Variants in MMS22L observed in about 807,000 individuals in gnomAD.
MMS22L encodes the protein protein MMS22-like.
A neutral mutation model predicts 159.1 loss-of-function variants in MMS22L; 74 were observed. The ratio of observed to expected loss-of-function variants is 0.47; its 90% CI spans 0.39 to 0.56. MMS22L has a LOEUF of 0.56. Ranked by LOEUF, MMS22L falls within the 20% of genes least tolerant of loss-of-function variation. The pLI is 0.00. For missense variants in MMS22L, 1,351 were observed against 1,422.1 expected (o/e 0.95, Z 0.80); for synonymous variants, 517 against 506.9 (o/e 1.02, Z -0.27).
intron 9 of MMS22L, 141 bp from the exon 10 acceptor site, chr6:97,254,874 G>A (rs1314634537): frequency 4.7e-6 from 3 of 636,458 alleles, no homozygotes; most frequent in Admixed American, 7.3e-5. Flanking sequence ...AAATGCCCAG[G>A]TTAAGAATCA....
chr6:97,156,351 G>T (rs985120586), intron 22 of MMS22L, among the ~76,000 whole-genome samples: 1 of 152,128 alleles, frequency 6.6e-6, no homozygotes, highest in Non-Finnish European at 1.5e-5. Flanking sequence ...TTTGGCTTTT[G>T]TTGCCGTTGC....
chr6:97,249,787 G>A (rs1295677374), intron 10 of MMS22L, among the ~76,000 whole-genome samples: 1 of 74,592 alleles, frequency 1.3e-5, no homozygotes, highest in Admixed American at 1.6e-4. Flanking sequence ...ATTCATTTTT[G>A]TATCATTCTT....
At chr6:97,215,111 TA>T (rs1389195123) in intron 14 of MMS22L, among the ~76,000 whole-genome samples, 17,811 of 100,576 alleles carry the variant, frequency 0.18, 1,143 homozygotes, top group Middle Eastern at 0.26. Context: ...TATATATATA[TA>T]TATTTTTTTT....
intron 14 of MMS22L, among the ~76,000 whole-genome samples, chr6:97,204,720 G>C (rs1807564433): frequency 6.6e-6 from 1 of 151,116 alleles, no homozygotes. Flanking sequence ...ACTTGAGCCA[G>C]GGAGATTTAG....
intron 14 of MMS22L, among the ~76,000 whole-genome samples, chr6:97,222,653 C>A (rs187136892): frequency 9.9e-5 from 15 of 151,992 alleles, no homozygotes; most frequent in Admixed American, 2.6e-4. Context: ...TTTTCAGATG[C>A]CAAAAGGCAT....
Position 97,228,812 on chromosome 6 carries a change from CAT to C in MMS22L, c.2039+80_2039+81del, listed in dbSNP as rs944856828. ...GATTTCATGTGTATTTGTATATATG[CAT>C]ATATATAACTTTAATATAAAATCCA... On this transcript the variant is annotated intron_variant, in intron 14 of 24. Transcript: ENST00000683635. The C allele has an allele frequency of 2.8e-4, 357 of 1,289,666 alleles. 2 individuals carry two copies. In the Middle Eastern group the frequency reaches 4.5e-3, roughly 16 times the overall value. The allele number at this position is 1,289,666 out of a possible 1,614,324, so 79.9% of individuals were successfully genotyped here.
intron 21 of MMS22L, among the ~76,000 whole-genome samples, chr6:97,163,923 A>G (rs1471256587): frequency 1.3e-5 from 2 of 152,082 alleles, no homozygotes; most frequent in Non-Finnish European, 2.9e-5. Context: ...ATACATTTGG[A>G]AACGGTAAGT....
intron 14 of MMS22L, among the ~76,000 whole-genome samples, chr6:97,199,377 G>T (rs1314095810): frequency 6.6e-6 from 1 of 152,070 alleles, no homozygotes; most frequent in Non-Finnish European, 1.5e-5. Flanking sequence ...TCCCGTCACA[G>T]TGAAATTTGC....
At chr6:97,237,815 G>C (rs1433739384) in intron 11 of MMS22L, among the ~76,000 whole-genome samples, 1 of 152,086 alleles carries the variant, frequency 6.6e-6, no homozygotes, top group Non-Finnish European at 1.5e-5. Context: ...TATTAAACTA[G>C]ATCCAGGTTC....
chr6:97,283,776 A>T (rs939701701), upstream of MMS22L, among the ~76,000 whole-genome samples: 4 of 152,246 alleles, frequency 2.6e-5, no homozygotes, highest in Admixed American at 2.0e-4. Context: ...TGAAACATTC[A>T]CTAAGCGATA....
chr6:97,149,910 GTAA>G lies in MMS22L; in HGVS notation c.3590_3592del (p.Leu1197_Thr1198delinsPro). The G allele has an allele frequency of 6.2e-7, 1 of 1,613,692 alleles. No homozygotes were observed. Among genetic ancestry groups the G allele is most frequent in the Non-Finnish European group, 8.5e-7 (1 of 1,179,768 alleles). On this transcript the variant is annotated inframe_deletion, in exon 24 of 25. Transcript: ENST00000683635. ...CTGCTCTGAATCCTTCAGAGACTGA[GTAA>G]GGGTAGAAATCAAGTGGATGACAAC...
At chr6:97,283,643 C>T (rs1204618687), upstream of MMS22L, 1 of 152,198 alleles carries the variant, frequency 6.6e-6, no homozygotes, top group East Asian at 1.9e-4. Context: ...ACAGATGGAA[C>T]AAGTAGACAG....
Position 97,254,710 on chromosome 6 carries a change from T to G in MMS22L, c.966A>C (p.Lys322Asn), listed in dbSNP as rs1813604088. ...ATTTTTCAAGCAGTGTTTTAAGTAG[T>G]TTATTCAACCAGTTCCAAAATGACT... is the stretch of plus-strand genomic sequence containing the variant. ...VSESFWNWLN[K>N]LLKTLLEKSS... The change falls in exon 10 of 25, where the codon AAA (lysine) becomes AAC (asparagine). Residue 322 changes from lysine (K) to asparagine (N), a missense_variant. Physicochemically the swap from Lys to Asn is moderately conservative, Grantham distance 94. Coordinates refer to ENST00000683635, the MANE Select transcript of MMS22L (RefSeq NM_001350599.2). 5 of 1,605,330 alleles carry G rather than the reference T, an allele frequency of 3.1e-6. No homozygotes were observed. Among genetic ancestry groups the G allele is most frequent in the Non-Finnish European group, 4.2e-6 (5 of 1,177,172 alleles).
chr6:97,174,027 G>A (rs1803847783), intron 18 of MMS22L, among the ~76,000 whole-genome samples: 1 of 151,888 alleles, frequency 6.6e-6, no homozygotes, highest in South Asian at 2.1e-4. Context: ...GGCCAAGGTG[G>A]GCAGATCATG....
At chr6:97,189,591 TAAAAAA>T (rs1241638061) in intron 14 of MMS22L, among the ~76,000 whole-genome samples, 1 of 113,384 alleles carries the variant, frequency 8.8e-6, no homozygotes, top group Non-Finnish European at 1.9e-5. Flanking sequence ...AATAATTAAT[TAAAAAA>T]AAAAAACCAT....
chr6:97,206,662 G>A (rs943660669), intron 14 of MMS22L, among the ~76,000 whole-genome samples: 4 of 151,920 alleles, frequency 2.6e-5, no homozygotes, highest in African/African-American at 9.7e-5. Context: ...AGACTTTTTT[G>A]TTAAAAAGAA....
Position 97,186,690 on chromosome 6 carries a change from C to A in MMS22L, c.2040G>T (p.Arg680Ser). Residue 680 changes from arginine (R) to serine (S), a missense_variant and splice_region_variant, in exon 15 of 25, where the codon AGG becomes AGT. Transcript: ENST00000683635. ...CCTGACACAATTGTTGATGCATACT[C>A]CTAAAAAGAAATAAAAATACAGCTA... ...SFLQAVLARIRSMHQQLCQEL... is the reference protein window; with the variant it reads ...SFLQAVLARISSMHQQLCQEL... 3 of 1,510,742 alleles carry A rather than the reference C, an allele frequency of 2.0e-6. No individual in the cohort carries two copies. The highest frequency in any genetic ancestry group is 2.7e-6 in the Non-Finnish European group (3 of 1,128,106). 93.6% of individuals were successfully genotyped at this position (1,510,742 alleles called of 1,614,324 possible).
intron 20 of MMS22L, among the ~76,000 whole-genome samples, chr6:97,166,006 A>G (rs1033591398): frequency 4.6e-5 from 7 of 152,090 alleles, no homozygotes; most frequent in African/African-American, 1.7e-4. Context: ...TATATTCACT[A>G]TTTCATTTAA....
intron 12 of MMS22L, among the ~76,000 whole-genome samples, chr6:97,232,839 G>T (rs1811010720): frequency 6.6e-6 from 1 of 151,860 alleles, no homozygotes; most frequent in African/African-American, 2.4e-5. Context: ...TATTTTGATT[G>T]AGAGGTTCAC....
Sources: allele counts gnomAD v4.1 joint callset (sites outside exome capture counted in the v4.1 genomes callset), GRCh38; gene constraint gnomAD v4.1.1; transcripts MANE v1.5; gene names NCBI Gene and HGNC (gene_info 2026-07-23, HGNC 2026-07-21).